FSHR: variants seen among roughly 807,000 people sequenced by gnomAD.
FSHR encodes the protein follicle-stimulating hormone receptor.
FSHR carries 46 observed loss-of-function variants against 52.1 expected under a neutral mutation model. The ratio of observed to expected loss-of-function variants is 0.88; its 90% CI spans 0.70 to 1.13. The LOEUF (loss-of-function observed/expected upper bound fraction) is 1.13, where lower values mean the gene tolerates loss of function less well. FSHR is among the 50% of genes most tolerant of loss of function. The probability of loss-of-function intolerance (pLI) is 0.00; values close to 1 mark genes in which losing one functional copy is unlikely to be tolerated. For synonymous variants in FSHR, 399 were observed against 309.6 expected (o/e 1.29, Z -3.03); for missense variants, 964 against 834.6 (o/e 1.16, Z -1.91).
chr2:49,144,432 A>T (rs1672797325), intron 1 of FSHR, among the ~76,000 whole-genome samples: 1 of 152,134 alleles, frequency 6.6e-6, no homozygotes, highest in Admixed American at 6.6e-5. Flanking sequence ...GGGGAATGAG[A>T]TGCCATTCAA....
chr2:49,054,815 A>G (rs963560045), intron 2 of FSHR, among the ~76,000 whole-genome samples: 55 of 152,314 alleles, frequency 3.6e-4, no homozygotes, highest in Non-Finnish European at 8.8e-5. Context: ...ATACTACACT[A>G]TTGTATCCAC....
At chr2:48,976,833 C>T (rs964147518) in intron 8 of FSHR, among the ~76,000 whole-genome samples, 2 of 152,042 alleles carry the variant, frequency 1.3e-5, no homozygotes, top group Non-Finnish European at 2.9e-5. Context: ...GTGATATCTC[C>T]TTTATCATTT....
At chr2:49,068,783 A>G (rs1669612727) in intron 1 of FSHR, among the ~76,000 whole-genome samples, 1 of 152,044 alleles carries the variant, frequency 6.6e-6, no homozygotes, top group African/African-American at 2.4e-5. Context: ...TGCTTTATAC[A>G]CATTGCCTTC....
intron 2 of FSHR, among the ~76,000 whole-genome samples, chr2:49,026,157 A>C (rs1667904688): frequency 6.6e-6 from 1 of 152,200 alleles, no homozygotes; most frequent in Admixed American, 6.5e-5. Flanking sequence ...GACAGAGATA[A>C]AAGTACCTTC....
intron 2 of FSHR, among the ~76,000 whole-genome samples, chr2:49,064,178 G>C (rs1669419877): frequency 6.6e-6 from 1 of 152,000 alleles, no homozygotes; most frequent in African/African-American, 2.4e-5. Context: ...GGATGAGGGA[G>C]AGGGAAGAGC....
chr2:49,012,232 T>C (rs964367008), intron 4 of FSHR, among the ~76,000 whole-genome samples: 2 of 152,132 alleles, frequency 1.3e-5, no homozygotes. Context: ...GAAAATATTG[T>C]GTAAACCTTA....
intron 9 of FSHR, among the ~76,000 whole-genome samples, chr2:48,964,735 TG>T (rs1265582172): frequency 2.6e-5 from 4 of 152,188 alleles, no homozygotes; most frequent in African/African-American, 9.7e-5. Context: ...TAGCTCTCCT[TG>T]GGCTCACTTT....
intron 1 of FSHR, among the ~76,000 whole-genome samples, chr2:49,076,431 G>T (rs1338950811): frequency 6.6e-6 from 1 of 152,042 alleles, no homozygotes; most frequent in Non-Finnish European, 1.5e-5. Context: ...AACAGCACGG[G>T]AAAAACCCGC....
At chr2:49,095,205 T>C (rs1670776717) in intron 1 of FSHR, among the ~76,000 whole-genome samples, 1 of 152,148 alleles carries the variant, frequency 6.6e-6, no homozygotes, top group Non-Finnish European at 1.5e-5. Flanking sequence ...AGTTGAGGAC[T>C]CATACTTCAT....
chr2:48,997,789 G>T (rs1457392396), intron 4 of FSHR, among the ~76,000 whole-genome samples: 1 of 152,034 alleles, frequency 6.6e-6, no homozygotes, highest in African/African-American at 2.4e-5. Flanking sequence ...TAGTTCTCTT[G>T]GGTGCTCAAA....
intron 1 of FSHR, among the ~76,000 whole-genome samples, chr2:49,088,967 A>T (rs1322230987): frequency 6.6e-6 from 1 of 152,188 alleles, no homozygotes; most frequent in Non-Finnish European, 1.5e-5. Flanking sequence ...GACTGTGTAA[A>T]ATGCAAATGT....
rs1573012556 is a variant in FSHR at position 48,963,803 on chromosome 2, C to T, written c.1018G>A (p.Glu340Lys). The T allele has an allele frequency of 6.2e-7, 1 of 1,614,028 alleles. No individual in the cohort carries two copies. Among genetic ancestry groups the T allele is most frequent in the Non-Finnish European group, 8.5e-7 (1 of 1,180,006 alleles). The change falls in exon 10 of 10, where the codon GAA becomes AAA. Residue 340 changes from glutamate (E) to lysine (K), a missense_variant. Coordinates refer to ENST00000406846, the MANE Select transcript of FSHR (RefSeq NM_000145.4). ...YTEFDYDLCN[E>K]VVDVTCSPKP... ...GGGGAGCAGGTCACGTCAACCACTT[C>T]ATTGCATAAGTCATAGTCAAACTCA...
chr2:48,966,831 A>G (rs147581530), intron 9 of FSHR, among the ~76,000 whole-genome samples: 1,663 of 152,334 alleles, frequency 0.011, 29 homozygotes, highest in Middle Eastern at 0.041. Flanking sequence ...TGTAAGAACC[A>G]TGTTCCTCTC....
At position 49,047,157 on chromosome 2, in the gene FSHR, G is replaced by C. The variant is rs572740899; in HGVS notation, c.224+21062C>G. On this transcript the variant is annotated intron_variant, in intron 2 of 9. Coordinates refer to ENST00000406846, the MANE Select transcript of FSHR (RefSeq NM_000145.4). ...TGTTGTTGTTTTGGGACTTGGTGCT[G>C]CAGTAAACCACCACCCTTTATCTCC... Among the ~76,000 whole-genome samples, 11 of 152,258 alleles carry C rather than the reference G, an allele frequency of 7.2e-5. No individual in the cohort carries two copies. The South Asian group carries it at 2.3e-3, about 32-fold the overall frequency.
chr2:49,036,831 AAAGCCTCTCC>A (rs1382852319), intron 2 of FSHR, among the ~76,000 whole-genome samples: 1 of 152,244 alleles, frequency 6.6e-6, no homozygotes, highest in African/African-American at 2.4e-5. Flanking sequence ...GTCTGAGACA[AAAGCCTCTCC>A]AGATCCAGAC....
intron 4 of FSHR, among the ~76,000 whole-genome samples, chr2:49,012,294 G>T (rs753389566): frequency 6.6e-6 from 1 of 152,120 alleles, no homozygotes; most frequent in African/African-American, 2.4e-5. Context: ...CTCCAGGAAG[G>T]CAGAGCAGTA....
At chr2:49,020,486 C>T (rs981423435) in intron 2 of FSHR, among the ~76,000 whole-genome samples, 1 of 150,480 alleles carries the variant, frequency 6.6e-6, no homozygotes, top group Admixed American at 6.7e-5. Context: ...TTTAAGTTCC[C>T]TAGACCACGG....
intron 2 of FSHR, among the ~76,000 whole-genome samples, chr2:49,064,370 ATTAGT>A (rs1203040791): frequency 9.9e-5 from 15 of 151,910 alleles, no homozygotes; most frequent in African/African-American, 3.4e-4. Flanking sequence ...CCATGAAGAG[ATTAGT>A]GTTGCCATTA....
chr2:49,137,334 T>C (rs1363591699), intron 1 of FSHR, among the ~76,000 whole-genome samples: 1 of 152,006 alleles, frequency 6.6e-6, no homozygotes, highest in African/African-American at 2.4e-5. Context: ...AAAATAATTA[T>C]TGAAAGAAAA....
Sources: gnomAD v4.1 joint callset for allele counts (sites outside exome capture counted in the v4.1 genomes callset) on GRCh38, gnomAD v4.1.1 for gene constraint, MANE v1.5 for transcripts, NCBI Gene and HGNC (gene_info 2026-07-23, HGNC 2026-07-21) for gene names.